Variants in ALK observed in about 807,000 individuals in gnomAD.
The protein encoded by ALK is ALK tyrosine kinase receptor.
In ALK, 74 loss-of-function variants were observed where a neutral mutation model predicts 163.1. That is an observed-to-expected ratio of 0.45 (90% CI 0.38 to 0.55). The LOEUF is 0.55. Among genes scored for constraint, ALK ranks in the 20% least tolerant of loss-of-function variants. The pLI is 0.00. For synonymous variants in ALK, 960 were observed against 843.2 expected (o/e 1.14, Z -2.40); for missense variants, 2,063 against 2,105.3 (o/e 0.98, Z 0.39).
At chr2:29,217,529 C>G (rs148494369) in intron 23 of ALK, among the ~76,000 whole-genome samples, 1 of 151,862 alleles carries the variant, frequency 6.6e-6, no homozygotes, top group African/African-American at 2.4e-5. Flanking sequence ...ACAACAGGCA[C>G]GGCTGACCTG....
chr2:29,808,199 A>G (rs968911117), intron 1 of ALK, among the ~76,000 whole-genome samples: 17 of 152,256 alleles, frequency 1.1e-4, no homozygotes, highest in Non-Finnish European at 1.6e-4. Flanking sequence ...CAAAGAGGAC[A>G]TGGATAATGG....
chr2:29,741,701 G>C (rs150294053), intron 1 of ALK, among the ~76,000 whole-genome samples: 71 of 152,248 alleles, frequency 4.7e-4, no homozygotes, highest in African/African-American at 1.6e-3. Context: ...CTTAGAAGTA[G>C]AGAATCATTT....
At chr2:29,274,558 G>C (rs772096688) in intron 11 of ALK, among the ~76,000 whole-genome samples, 2 of 152,254 alleles carry the variant, frequency 1.3e-5, no homozygotes, top group Middle Eastern at 3.2e-3. Flanking sequence ...AGAGGCTGAC[G>C]AGTTCTGCTG....
intron 4 of ALK, among the ~76,000 whole-genome samples, chr2:29,406,930 T>C (rs1451365836): frequency 6.6e-6 from 1 of 151,824 alleles, no homozygotes; most frequent in African/African-American, 2.4e-5. Flanking sequence ...AACAGAATTT[T>C]CATGAAAGAT....
rs200470125 is a variant in ALK at position 29,193,828 on chromosome 2, C to T, written c.4259G>A (p.Gly1420Glu). 1.2e-6 allele frequency: 2 copies of T among 1,609,276 alleles called. No homozygotes were observed. Among genetic ancestry groups the T allele is most frequent in the East Asian group, 2.2e-5 (1 of 44,860 alleles). Residue 1420 changes from glycine (G) to glutamate (E), a missense_variant, in exon 29 of 29, where the codon GGG (glycine) becomes GAG (glutamate). Gly to Glu is a moderately conservative substitution (Grantham distance 98, BLOSUM62 -2). Around this residue, in one of 5 missense-constraint regions of ALK, gnomAD observed 403 missense variants for 366.2 expected, o/e 1.10. Transcript: ENST00000389048. Reference sequence around the variant, plus strand: ...TTGAGAGACCAGGAGAGGAGGAACCCCCTCAGGGTCCTTGGGCCTCACAGG... The same window carrying T: ...TTGAGAGACCAGGAGAGGAGGAACCTCCTCAGGGTCCTTGGGCCTCACAGG... ...KVPVRPKDPE[G>E]VPPLLVSQQA... is the part of the protein sequence containing the mutation.
intron 3 of ALK, among the ~76,000 whole-genome samples, chr2:29,616,661 A>G (rs1675857327): frequency 6.6e-6 from 1 of 152,210 alleles, no homozygotes; most frequent in South Asian, 2.1e-4. Flanking sequence ...TTCTAACAGT[A>G]GGAGCCATCA....
At chr2:29,300,700 C>A (rs914972229) in intron 8 of ALK, among the ~76,000 whole-genome samples, 1 of 152,128 alleles carries the variant, frequency 6.6e-6, no homozygotes. Context: ...ACATTTGTTA[C>A]ATCCAGAGAA....
chr2:29,542,768 C>T (rs566335335), intron 3 of ALK, among the ~76,000 whole-genome samples: 1 of 152,244 alleles, frequency 6.6e-6, no homozygotes, highest in Admixed American at 6.5e-5. Flanking sequence ...AAAAATTCAT[C>T]CGTGGCATTT....
intron 26 of ALK, among the ~76,000 whole-genome samples, chr2:29,203,081 C>G (rs1669221915): frequency 6.6e-6 from 1 of 152,174 alleles, no homozygotes; most frequent in African/African-American, 2.4e-5. Context: ...AGTCCCACCC[C>G]TAGAGTTTCT....
At chr2:29,868,903 T>G (rs1233377142) in intron 1 of ALK, among the ~76,000 whole-genome samples, 1 of 152,200 alleles carries the variant, frequency 6.6e-6, no homozygotes, top group Non-Finnish European at 1.5e-5. Flanking sequence ...CTGGCACCCT[T>G]ACTCTTGGAA....
At chr2:29,585,574 T>C (rs755854978) in intron 3 of ALK, among the ~76,000 whole-genome samples, 5 of 152,186 alleles carry the variant, frequency 3.3e-5, no homozygotes, top group Admixed American at 6.5e-5. Context: ...GTGATCCACC[T>C]GCCTCGGCCT....
intron 4 of ALK, among the ~76,000 whole-genome samples, chr2:29,392,711 T>C (rs1327707494): frequency 6.6e-6 from 1 of 151,586 alleles, no homozygotes; most frequent in Admixed American, 6.6e-5. Context: ...TGGGGAGGAG[T>C]AGGAGTAGAC....
intron 3 of ALK, among the ~76,000 whole-genome samples, chr2:29,556,570 G>A (rs1449264106): frequency 6.6e-6 from 1 of 152,182 alleles, no homozygotes; most frequent in Non-Finnish European, 1.5e-5. Flanking sequence ...GTAAGGCAGG[G>A]CAAATAGAAA....
chr2:29,275,461 C>G lies in ALK; in HGVS notation c.1853G>C (p.Gly618Ala). Residue 618 changes from glycine to alanine, a missense_variant, in exon 10 of 29, where the codon GGA becomes GCA. This residue lies in a region of ALK where 987 missense variants were observed against 939.5 expected (regional missense o/e 1.05). Coordinates refer to ENST00000389048, the MANE Select transcript of ALK (RefSeq NM_004304.5). ...GTCAAAAGCCACGATGGCTCTGGAT[C>G]CTTGTCCCCACCATGCGACCATCTG... ...WLQMVAWWGQ[G>A]SRAIVAFDNI... 2 of 1,614,104 alleles carry G rather than the reference C, an allele frequency of 1.2e-6. No homozygotes were observed. Among genetic ancestry groups the G allele is most frequent in the Non-Finnish European group, 1.7e-6 (2 of 1,180,020 alleles).
intron 9 of ALK, among the ~76,000 whole-genome samples, chr2:29,280,852 G>T (rs1558651316): frequency 1.3e-5 from 2 of 151,892 alleles, no homozygotes; most frequent in Admixed American, 6.6e-5. Flanking sequence ...CTGAGGGAAG[G>T]TTCTGGTATG....
At chr2:29,448,549 C>A (rs942224056) in intron 4 of ALK, among the ~76,000 whole-genome samples, 3 of 152,182 alleles carry the variant, frequency 2.0e-5, no homozygotes, top group Admixed American at 2.0e-4. Flanking sequence ...CCTGGAACAG[C>A]AGACACTGAT....
At chr2:29,763,086 CAAAAAA>C (rs1034835014) in intron 1 of ALK, among the ~76,000 whole-genome samples, 3 of 53,094 alleles carry the variant, frequency 5.7e-5, no homozygotes, top group African/African-American at 1.9e-4. Flanking sequence ...GACTCCATCT[CAAAAAA>C]AAAAAAAAAA....
At chr2:29,884,035 T>C (rs1666930902) in intron 1 of ALK, among the ~76,000 whole-genome samples, 1 of 152,114 alleles carries the variant, frequency 6.6e-6, no homozygotes, top group Non-Finnish European at 1.5e-5. Context: ...TTGAGAGAAA[T>C]GTGAACAAAT....
At chr2:29,466,836 C>A (rs1671224976) in intron 4 of ALK, among the ~76,000 whole-genome samples, 2 of 152,206 alleles carry the variant, frequency 1.3e-5, no homozygotes, top group South Asian at 4.1e-4. Flanking sequence ...AGACAGTTCT[C>A]TGGATCATTG....
Sources: allele counts gnomAD v4.1 joint callset (sites outside exome capture counted in the v4.1 genomes callset), GRCh38; gene constraint gnomAD v4.1.1; regional missense constraint gnomAD v4.1.1; transcripts MANE v1.5; gene names NCBI Gene and HGNC (gene_info 2026-07-23, HGNC 2026-07-21).